Variants in SCN8A observed in about 807,000 individuals in gnomAD.
SCN8A encodes sodium voltage-gated channel alpha subunit 8, also known as sodium channel protein type 8 subunit alpha.
In SCN8A, 30 loss-of-function variants were observed where a neutral mutation model predicts 184.1. That is an observed-to-expected ratio of 0.16 (90% confidence interval 0.12 to 0.22). The LOEUF (loss-of-function observed/expected upper bound fraction) is 0.22. Ranked by LOEUF, SCN8A falls within the 10% of genes least tolerant of loss-of-function variation. The probability of loss-of-function intolerance (pLI) is 1.00; values close to 1 mark genes in which losing one functional copy is unlikely to be tolerated. For missense variants in SCN8A, 1,057 were observed against 2,498.9 expected (o/e 0.42, Z 12.30); for synonymous variants, 852 against 907.0 (o/e 0.94, Z 1.09).
At chr12:51,604,126 T>A (rs979545086) in intron 1 of SCN8A, among the ~76,000 whole-genome samples, 3 of 152,202 alleles carry the variant, frequency 2.0e-5, no homozygotes, top group African/African-American at 7.2e-5. Flanking sequence ...ATGTCATATA[T>A]AAGAACTCTT....
chr12:51,653,145 C>G (rs1940752895), intron 1 of SCN8A, among the ~76,000 whole-genome samples: 2 of 152,090 alleles, frequency 1.3e-5, no homozygotes, highest in Admixed American at 6.5e-5. Context: ...CAAGGTGAAA[C>G]CCAGTCTCTA....
chr12:51,714,743 A>G (rs1941938300), intron 11 of SCN8A, among the ~76,000 whole-genome samples: 2 of 152,230 alleles, frequency 1.3e-5, no homozygotes, highest in African/African-American at 2.4e-5. Context: ...ATTTACGTGT[A>G]TCCCCTGAGA....
chr12:51,769,351 A>G lies in SCN8A; in HGVS notation c.3372+16A>G, dbSNP rs771873807. The G allele has an allele frequency of 9.0e-6, 14 of 1,551,794 alleles. No individual in the cohort carries two copies. The highest frequency in any genetic ancestry group is 1.2e-5 in the Non-Finnish European group (14 of 1,140,230). The stretch of plus-strand genomic sequence containing the variant: ...CAGCAAAGATGTAAGGTCCCAGCCT[A>G]GAAACAGCCTTGATCCTGTGTGAGA... On this transcript the variant is annotated intron_variant, in intron 17 of 26. Coordinates refer to ENST00000627620, the MANE Select transcript of SCN8A (RefSeq NM_001330260.2).
chr12:51,754,371 C>A (rs1160336309), intron 14 of SCN8A, among the ~76,000 whole-genome samples: 1 of 151,494 alleles, frequency 6.6e-6, no homozygotes, highest in Non-Finnish European at 1.5e-5. Flanking sequence ...AGCCTTATCA[C>A]CCCCAAATGC....
intron 2 of SCN8A, among the ~76,000 whole-genome samples, chr12:51,673,940 A>G (rs1369443136): frequency 2.0e-5 from 3 of 152,154 alleles, no homozygotes; most frequent in African/African-American, 7.2e-5. Context: ...GGACCTTTAA[A>G]TATTAAAGTA....
At position 51,787,944 on chromosome 12, in the gene SCN8A, A is replaced by C. The variant is rs563298804; in HGVS notation, c.4228-751A>C. Among the ~76,000 whole-genome samples the C allele has an allele frequency of 2.0e-5, 3 of 152,218 alleles. No homozygotes were observed. In the East Asian group the frequency reaches 5.8e-4, roughly 29 times the overall value. On this transcript the variant is annotated intron_variant, in intron 22 of 26. Coordinates refer to ENST00000627620, the MANE Select transcript of SCN8A (RefSeq NM_001330260.2). ...CCAGTGCACATCCACAAGCCAGTCA[A>C]ACATGGTAGTCACAGAGTCCCTGCC...
intron 1 of SCN8A, among the ~76,000 whole-genome samples, chr12:51,656,863 G>T (rs984777104): frequency 6.6e-6 from 1 of 152,210 alleles, no homozygotes; most frequent in South Asian, 2.1e-4. Flanking sequence ...ACAAGTGTTG[G>T]CAAGGATATG....
At chr12:51,739,132 T>G (rs573899) in intron 12 of SCN8A, among the ~76,000 whole-genome samples, 1 of 152,114 alleles carries the variant, frequency 6.6e-6, no homozygotes, top group Non-Finnish European at 1.5e-5. Context: ...CGGCCTGACT[T>G]GCTGATTTTT....
At chr12:51,664,236 C>T (rs1315503096) in intron 2 of SCN8A, among the ~76,000 whole-genome samples, 2 of 150,554 alleles carry the variant, frequency 1.3e-5, no homozygotes, top group Non-Finnish European at 2.9e-5. Context: ...GAGACAGAGT[C>T]TCGCACTGTT....
rs771822630 is a variant in SCN8A, at chr12:51,769,930, G to A, written c.3435G>A (p.Glu1145=). The A allele has an allele frequency of 6.8e-6, 11 of 1,608,414 alleles. No homozygotes were observed. Among genetic ancestry groups the A allele is most frequent in the Non-Finnish European group, 1.7e-6 (2 of 1,177,580 alleles). The change falls in exon 18 of 27, where the codon GAG becomes GAA. Residue 1145 remains glutamate (E), a synonymous_variant. Coordinates refer to ENST00000627620, the MANE Select transcript of SCN8A (RefSeq NM_001330260.2). Reference sequence around the variant, plus strand: ...TTGATATCAAACCAGAAGTAGAAGAGGTCCCTGTGGAACAGCCTGAGGAAT... The same window carrying A: ...TTGATATCAAACCAGAAGTAGAAGAAGTCCCTGTGGAACAGCCTGAGGAAT... ...STIDIKPEVE[E]VPVEQPEEYL... is the part of the protein sequence containing the mutation.
chr12:51,807,476 A>G lies in SCN8A; in HGVS notation c.*47A>G. 1 of 1,542,846 alleles carries G rather than the reference A, an allele frequency of 6.5e-7. No individual in the cohort carries two copies. The highest frequency in any genetic ancestry group is 8.8e-7 in the Non-Finnish European group (1 of 1,135,312). ...TATACAGATCTAAAACTCGCAAGTG[A>G]AAGATTGTTTACAAACTTCCTGAAT... On this transcript the variant is annotated 3_prime_UTR_variant, in exon 27 of 27. Transcript: ENST00000627620. This position sits in a 1 kb window ranked among gnomAD's most constrained non-coding sequence, Gnocchi z 4.5.
Position 51,788,755 on chromosome 12 carries a change from A to T in SCN8A, c.4281+7A>T. The T allele has an allele frequency of 6.2e-7, 1 of 1,608,302 alleles. No homozygotes were observed. The highest frequency in any genetic ancestry group is 8.5e-7 in the Non-Finnish European group (1 of 1,176,882). On this transcript the variant is annotated splice_region_variant and intron_variant, in intron 23 of 26. Coordinates refer to ENST00000627620, the MANE Select transcript of SCN8A (RefSeq NM_001330260.2). ...AGCTGTAGATTCCCGGAAGGTAAGG[A>T]TGTACATGGCGAAAATACCACCTTC... is the stretch of plus-strand genomic sequence containing the variant.
chr12:51,737,209 C>T (rs796487166), intron 12 of SCN8A, among the ~76,000 whole-genome samples: 1 of 152,100 alleles, frequency 6.6e-6, no homozygotes, highest in Non-Finnish European at 1.5e-5. Context: ...CAATCCCTAT[C>T]ATTGTAGCAA....
chr12:51,605,073 C>A (rs970361078), intron 1 of SCN8A, among the ~76,000 whole-genome samples: 3 of 151,512 alleles, frequency 2.0e-5, no homozygotes, highest in Non-Finnish European at 4.4e-5. Context: ...GTTTTAAATA[C>A]GAGTTTTTCA....
chr12:51,687,240 AT>A (rs1223306721), intron 5 of SCN8A, 21 bp downstream of exon 5: 1 of 1,612,096 alleles, frequency 6.2e-7, no homozygotes, highest in Non-Finnish European at 8.5e-7. Flanking sequence ...CCCTTACTTT[AT>A]TGGTGTTCTG....
chr12:51,761,969 A>T (rs974810948), intron 14 of SCN8A, among the ~76,000 whole-genome samples: 1 of 152,080 alleles, frequency 6.6e-6, no homozygotes, highest in Admixed American at 6.5e-5. Context: ...CATGAAAATG[A>T]TAGTTGTATG....
chr12:51,679,999 T>C (rs1477239803), intron 2 of SCN8A, among the ~76,000 whole-genome samples: 2 of 152,146 alleles, frequency 1.3e-5, no homozygotes, highest in Admixed American at 6.5e-5. Context: ...GCTGGACTTA[T>C]AGGTGGACTA....
intron 1 of SCN8A, among the ~76,000 whole-genome samples, chr12:51,634,344 G>A (rs939644092): frequency 6.6e-6 from 1 of 152,140 alleles, no homozygotes; most frequent in Non-Finnish European, 1.5e-5. Flanking sequence ...CTTTTGAGGA[G>A]GTTAGAGAGG....
intron 12 of SCN8A, among the ~76,000 whole-genome samples, chr12:51,730,664 G>A (rs1053853955): frequency 6.6e-5 from 10 of 152,096 alleles, no homozygotes; most frequent in African/African-American, 2.2e-4. Flanking sequence ...ATGAAAAATG[G>A]GATATCCATC....
Sources: gnomAD v4.1 joint callset for allele counts (sites outside exome capture counted in the v4.1 genomes callset) on GRCh38, gnomAD v4.1.1 for gene constraint, Gnocchi (gnomAD v3.1) non-coding constraint, MANE v1.5 for transcripts, NCBI Gene and HGNC (gene_info 2026-07-23, HGNC 2026-07-21) for gene names.